The following TTC34 variants were observed in gnomAD, a reference collection of about 807,000 sequenced individuals.
TTC34 encodes tetratricopeptide repeat domain 34, also known as tetratricopeptide repeat protein 34.
In TTC34, 44 loss-of-function variants were observed where a neutral mutation model predicts 40.7. That is an observed-to-expected ratio of 1.08 (90% CI 0.85 to 1.39). TTC34 has a LOEUF of 1.39. Among genes scored for constraint, TTC34 ranks in the 40% most tolerant of loss-of-function variants. TTC34 has a pLI of 0.00. For synonymous variants in TTC34, 422 were observed against 398.6 expected, an observed-to-expected ratio of 1.06 and a Z score of -0.70; for missense variants, 884 against 838.0, an observed-to-expected ratio of 1.05 and a Z score of -0.68.
At chr1:2,750,814 C>G (rs1241158601) in intron 6 of TTC34, among the ~76,000 whole-genome samples, 3 of 72,584 alleles carry the variant, frequency 4.1e-5, no homozygotes, top group East Asian at 6.3e-4. Flanking sequence ...CACCCCCAGG[C>G]GAGCATCTGA....
intron 6 of TTC34, among the ~76,000 whole-genome samples, chr1:2,651,922 C>A (rs1349830281): frequency 6.6e-6 from 1 of 152,088 alleles, no homozygotes; most frequent in African/African-American, 2.4e-5. Context: ...TGGCACCCTG[C>A]ACTCAGGGGA....
At chr1:2,677,911 A>G (rs1405822981) in intron 6 of TTC34, among the ~76,000 whole-genome samples, 18 of 33,760 alleles carry the variant, frequency 5.3e-4, no homozygotes, top group East Asian at 2.4e-3. Flanking sequence ...AGCATCTGAC[A>G]GCCTGGAGCA....
chr1:2,751,616 G>A (rs1641322898), intron 6 of TTC34, among the ~76,000 whole-genome samples: 1 of 123,766 alleles, frequency 8.1e-6, no homozygotes, highest in Non-Finnish European at 1.6e-5. Context: ...ACCCCCAGGC[G>A]AGCATCTGAC....
intron 6 of TTC34, among the ~76,000 whole-genome samples, chr1:2,691,744 T>G (rs1422068233): frequency 5.2e-5 from 2 of 38,200 alleles, no homozygotes; most frequent in East Asian, 7.8e-4. Context: ...GCACCCACAT[T>G]CCCAGGCAAG....
At position 2,645,580 on chromosome 1, in the gene TTC34, C is replaced by CG; in HGVS notation, c.2227-18dup. 4 of 24,736 alleles carry CG rather than the reference C, an allele frequency of 1.6e-4. No individual in the cohort carries two copies. Among genetic ancestry groups the CG allele is most frequent in the South Asian group, 6.2e-4 (3 of 4,862 alleles). 1.5% of individuals were successfully genotyped at this position (24,736 alleles called of 1,614,324 possible). A position where few individuals can be genotyped will look rare whatever the true frequency, so the allele number is the denominator to read the frequency against. On this transcript the variant is annotated splice_polypyrimidine_tract_variant and intron_variant, in intron 6 of 8. Transcript: ENST00000401095. This position sits in a 1 kb window ranked among gnomAD's most constrained non-coding sequence, Gnocchi z 4.7. ...CACGGCTTCCTGCAAGGAGGGAGGG[C>CG]GGGCGGGTGCAGAGTTGTCCTAAGT...
At chr1:2,692,653 C>A (rs1293509865) in intron 6 of TTC34, among the ~76,000 whole-genome samples, 1 of 137,536 alleles carries the variant, frequency 7.3e-6, no homozygotes, top group East Asian at 2.2e-4. Context: ...CATCGTGGAG[C>A]AGCACCCCAC....
chr1:2,653,663 T>C, intron 6 of TTC34, among the ~76,000 whole-genome samples: 1 of 151,456 alleles, frequency 6.6e-6, no homozygotes, highest in South Asian at 2.1e-4. Flanking sequence ...CAGGCGAGCA[T>C]CTGACAGCCT....
At chr1:2,795,616 A>C (rs1055497574) in intron 2 of TTC34, among the ~76,000 whole-genome samples, 3 of 152,236 alleles carry the variant, frequency 2.0e-5, no homozygotes, top group Non-Finnish European at 2.9e-5. Flanking sequence ...AGGCCATGCC[A>C]GATTCTGTAC....
intron 2 of TTC34, among the ~76,000 whole-genome samples, chr1:2,794,235 G>T (rs898413331): frequency 1.3e-5 from 2 of 152,112 alleles, no homozygotes; most frequent in African/African-American, 4.8e-5. Context: ...TCAGACTTCT[G>T]AGCTCAAGGG....
At chr1:2,699,324 G>A (rs544086721) in intron 6 of TTC34, among the ~76,000 whole-genome samples, 1 of 12,678 alleles carries the variant, frequency 7.9e-5, no homozygotes, top group African/African-American at 2.1e-4. Flanking sequence ...TGGAGCAGCA[G>A]CCACAACTCC....
chr1:2,652,325 C>A (rs796227758), intron 6 of TTC34, among the ~76,000 whole-genome samples: 2 of 7,178 alleles, frequency 2.8e-4, no homozygotes, highest in Admixed American at 1.5e-3. Flanking sequence ...AGCACCCACA[C>A]CCCCAGGTGA....
Position 2,752,787 on chromosome 1 carries a change from T to G in TTC34, c.2226+30822A>C, listed in dbSNP as rs1192852938. Among the ~76,000 whole-genome samples the G allele has an allele frequency of 5.1e-5, 6 of 117,108 alleles. 1 individual carries two copies. The highest frequency in any genetic ancestry group is 8.5e-5 in the Admixed American group (1 of 11,736). The allele number at this position is 117,108 out of a possible 152,430, so 76.8% of individuals were successfully genotyped here. On this transcript the variant is annotated intron_variant, in intron 6 of 8. Coordinates refer to ENST00000401095, the Ensembl canonical transcript of TTC34. ...CAGCACCCATACGCCCAGATAAGCA[T>G]GTGACAGCCTGGAACAGCTCCCTGC...
rs536873973 is a variant in TTC34, at chr1:2,796,500, C to T, written c.784+3544G>A. Among the ~76,000 whole-genome samples, 5 of 152,288 alleles carry T rather than the reference C, an allele frequency of 3.3e-5. No homozygotes were observed. The East Asian group carries it at 7.7e-4, about 24-fold the overall frequency. On this transcript the variant is annotated intron_variant, in intron 2 of 8. Transcript: ENST00000401095. This position sits in a 1 kb window ranked among gnomAD's most constrained non-coding sequence, Gnocchi z 4.5. ...ACACCAGAGCCACGGCAGACACAGACGAGCTTCCGGTGGCCTTCCTGGAGG... is the reference window on the plus strand; with the variant it reads ...ACACCAGAGCCACGGCAGACACAGATGAGCTTCCGGTGGCCTTCCTGGAGG...
At chr1:2,699,890 T>C (rs1174470415) in intron 6 of TTC34, among the ~76,000 whole-genome samples, 392 of 14,916 alleles carry the variant, frequency 0.026, no homozygotes, top group East Asian at 0.041. Context: ...GCAGCACCCA[T>C]ACCCGCAGTT....
intron 6 of TTC34, among the ~76,000 whole-genome samples, chr1:2,700,187 C>T (rs150868602): frequency 0.017 from 1,573 of 91,834 alleles, 215 homozygotes; most frequent in Non-Finnish European, 0.032. Flanking sequence ...GGTGAGCATC[C>T]GACAGCCTGG....
At position 2,785,802 on chromosome 1, in the gene TTC34, A is replaced by T. The variant is rs1232254713; in HGVS notation, c.2059+17T>A. On this transcript the variant is annotated intron_variant, in intron 5 of 8. Coordinates refer to ENST00000401095, the Ensembl canonical transcript of TTC34. ...TGGCACAAGACTGGGCCCTGGGGGCAGGTGGGCAGCTCCTACCTGCGGCAA... is the reference window on the plus strand; with the variant it reads ...TGGCACAAGACTGGGCCCTGGGGGCTGGTGGGCAGCTCCTACCTGCGGCAA... 6.5e-7 allele frequency: 1 copy of T among 1,541,354 alleles called. No homozygotes were observed. The highest frequency in any genetic ancestry group is 8.8e-7 in the Non-Finnish European group (1 of 1,142,636).
intron 6 of TTC34, among the ~76,000 whole-genome samples, chr1:2,754,141 C>G (rs1438262276): frequency 1.2e-4 from 4 of 33,520 alleles, no homozygotes; most frequent in Non-Finnish European, 1.4e-4. Context: ...CCCACACCCC[C>G]AGGTGCGCAT....
At chr1:2,752,181 C>A (rs1641341274) in intron 6 of TTC34, among the ~76,000 whole-genome samples, 2 of 119,896 alleles carry the variant, frequency 1.7e-5, no homozygotes, top group East Asian at 2.9e-4. Context: ...AACAGGTGAG[C>A]ATCTGACAGC....
intron 6 of TTC34, among the ~76,000 whole-genome samples, chr1:2,751,407 A>T (rs1173962225): frequency 2.3e-5 from 1 of 43,470 alleles, no homozygotes; most frequent in Non-Finnish European, 4.4e-5. Flanking sequence ...GCACCCACAC[A>T]CACAGGTGGG....
Sources: allele counts gnomAD v4.1 joint callset (sites outside exome capture counted in the v4.1 genomes callset), GRCh38; gene constraint gnomAD v4.1.1; non-coding constraint Gnocchi (gnomAD v3.1); transcripts MANE v1.5; gene names NCBI Gene and HGNC (gene_info 2026-07-23, HGNC 2026-07-21).